Variants in DDRGK1 observed in about 807,000 individuals in gnomAD.
The protein encoded by DDRGK1 is DDRGK domain containing 1, also known as DDRGK domain-containing protein 1.
In DDRGK1, 38 loss-of-function variants were observed where a neutral mutation model predicts 45.8. The observed-to-expected ratio is 0.83, with a 90% CI of 0.64 to 1.09. The LOEUF (loss-of-function observed/expected upper bound fraction) is 1.09. DDRGK1 is among the 50% of genes least tolerant of loss of function. The pLI is 0.00. For missense variants in DDRGK1, 403 were observed against 419.9 expected, an observed-to-expected ratio of 0.96 and a Z score of 0.35; for synonymous variants, 171 against 168.7, an observed-to-expected ratio of 1.01 and a Z score of -0.11.
intron 8 of DDRGK1, 140 bp from the exon 9 acceptor site, chr20:3,190,959 T>A (rs561507616): frequency 7.4e-7 from 1 of 1,354,544 alleles, no homozygotes; most frequent in African/African-American, 1.4e-5. Flanking sequence ...CTGCATCCAG[T>A]CCTGCTAGGA....
chr20:3,202,106 A>G (rs1220977664), intron 2 of DDRGK1, among the ~76,000 whole-genome samples: 1 of 150,990 alleles, frequency 6.6e-6, no homozygotes. Context: ...CAGCCTCCCA[A>G]GTAGCTGGAA....
chr20:3,197,092 G>A (rs1326220287), intron 4 of DDRGK1, among the ~76,000 whole-genome samples: 3 of 151,562 alleles, frequency 2.0e-5, no homozygotes. Flanking sequence ...GTGTGGTGGC[G>A]GGTGCCTGTA....
chr20:3,204,545 G>A lies in DDRGK1; in HGVS notation c.83C>T (p.Ala28Val). 6.4e-7 allele frequency: 1 copy of A among 1,562,918 alleles called. No individual in the cohort carries two copies. Among genetic ancestry groups the A allele is most frequent in the Non-Finnish European group, 8.6e-7 (1 of 1,160,974 alleles). ...GCAGCGGCATCTCCTACCTGATGCC[G>A]CCCGGCCCCGGCTGCGAGTCAGGAA... ...ILFLTRSRGR[A>V]ASAGQEPLHN... The change falls in exon 1 of 9, where the codon GCG becomes GTG. Residue 28 changes from alanine (A) to valine (V), a missense_variant. By Grantham distance (64) the Ala-to-Val change is moderately conservative (BLOSUM62 0). Coordinates refer to ENST00000354488, the MANE Select transcript of DDRGK1 (RefSeq NM_023935.3).
chr20:3,195,261 T>C lies in DDRGK1; in HGVS notation c.603A>G (p.Glu201=). The C allele has an allele frequency of 6.2e-7, 1 of 1,613,996 alleles. No homozygotes were observed. ...CCTCAGTCATGGTCTCTCCTACGCC[T>C]TCCTCCTCCACCACAAAGGCCTCCT... ...KLKEAFVVEE[E]GVGETMTEEQ... Residue 201 remains glutamate, a synonymous_variant, in exon 5 of 9, where the codon GAA becomes GAG. Coordinates refer to ENST00000354488, the MANE Select transcript of DDRGK1 (RefSeq NM_023935.3).
At position 3,191,760 on chromosome 20, in the gene DDRGK1, C is replaced by T; in HGVS notation, c.729+5G>A. ...GCACACAGCAGGCCACGTTCCAGGG[C>T]TTACCTGAGTGCGTAGGCCCACCTG... On this transcript the variant is annotated splice_donor_5th_base_variant and intron_variant, in intron 7 of 8. Coordinates refer to ENST00000354488, the MANE Select transcript of DDRGK1 (RefSeq NM_023935.3). 6.2e-7 allele frequency: 1 copy of T among 1,601,928 alleles called. No homozygotes were observed. Among genetic ancestry groups the T allele is most frequent in the South Asian group, 1.1e-5 (1 of 88,564 alleles).
At chr20:3,204,327 T>C (rs1356346369) in intron 1 of DDRGK1, among the ~76,000 whole-genome samples, 1 of 152,054 alleles carries the variant, frequency 6.6e-6, no homozygotes, top group Non-Finnish European at 1.5e-5. Flanking sequence ...AGACTCTGGC[T>C]TGGAGTCGAG....
rs1055883158 is a variant in DDRGK1, at chr20:3,200,334, C to T, written c.408+8G>A. 20 of 1,557,462 alleles carry T rather than the reference C, an allele frequency of 1.3e-5. No individual in the cohort carries two copies. Among genetic ancestry groups the T allele is most frequent in the African/African-American group, 5.5e-5 (4 of 73,366 alleles). ...TTCCCAGAGCTGCACCCCATCCCTCCGGCTTGCCTCACGCTGGGCCTTTCG... is the reference window on the plus strand; with the variant it reads ...TTCCCAGAGCTGCACCCCATCCCTCTGGCTTGCCTCACGCTGGGCCTTTCG... On this transcript the variant is annotated splice_region_variant and intron_variant, in intron 3 of 8. Coordinates refer to ENST00000354488, the MANE Select transcript of DDRGK1 (RefSeq NM_023935.3).
intron 5 of DDRGK1, 32 bp downstream of exon 5, chr20:3,195,199 A>G (rs914805914): frequency 1.2e-6 from 2 of 1,613,856 alleles, no homozygotes; most frequent in South Asian, 1.1e-5. Context: ...TGATGGGTGC[A>G]GAGAGGGGCT....
At chr20:3,198,700 C>CCA in intron 4 of DDRGK1, among the ~76,000 whole-genome samples, 1 of 41,578 alleles carries the variant, frequency 2.4e-5, no homozygotes, top group Non-Finnish European at 4.5e-5. Flanking sequence ...AACTCCGTTT[C>CCA]AAAAAAAAAA....
chr20:3,203,117 G>C (rs892540036), intron 2 of DDRGK1, 96 bp downstream of exon 2: 2 of 1,217,746 alleles, frequency 1.6e-6, no homozygotes, highest in East Asian at 2.7e-5. Context: ...CTCCTACCCT[G>C]AGGCTTCATA....
chr20:3,201,099 G>A (rs1376166889), intron 2 of DDRGK1, among the ~76,000 whole-genome samples: 1 of 151,254 alleles, frequency 6.6e-6, no homozygotes, highest in Non-Finnish European at 1.5e-5. Context: ...GACAGAGTGA[G>A]ACACTGTCTC....
intron 4 of DDRGK1, among the ~76,000 whole-genome samples, chr20:3,197,155 G>C (rs376363427): frequency 6.6e-6 from 1 of 150,490 alleles, no homozygotes; most frequent in East Asian, 2.0e-4. Context: ...CCTGGGAAGC[G>C]GAGGTTGCAG....
chr20:3,200,915 C>G (rs2067035172), intron 2 of DDRGK1, among the ~76,000 whole-genome samples: 1 of 152,188 alleles, frequency 6.6e-6, no homozygotes, highest in African/African-American at 2.4e-5. Flanking sequence ...TCGAGATCAT[C>G]CTGGCTAACA....
chr20:3,190,888 C>G lies in DDRGK1; in HGVS notation c.779-69G>C. 13 of 1,526,340 alleles carry G rather than the reference C, an allele frequency of 8.5e-6. No individual in the cohort carries two copies. The South Asian group carries it at 1.5e-4, about 18-fold the overall frequency. The allele number at this position is 1,526,340 out of a possible 1,614,324, so 94.5% of individuals were successfully genotyped here. ...TCCCCATCTGGCCTGAGAATGCCCA[C>G]CTACTCCTTCACAGCTGGCTCAGGG... On this transcript the variant is annotated intron_variant, in intron 8 of 8. Coordinates refer to ENST00000354488, the MANE Select transcript of DDRGK1 (RefSeq NM_023935.3).
intron 6 of DDRGK1, among the ~76,000 whole-genome samples, chr20:3,193,103 A>C (rs745608866): frequency 6.6e-6 from 1 of 152,194 alleles, no homozygotes; most frequent in Non-Finnish European, 1.5e-5. Flanking sequence ...ACCCACCTGC[A>C]ATCTCAGCTA....
At chr20:3,201,856 G>T (rs1477701274) in intron 2 of DDRGK1, among the ~76,000 whole-genome samples, 2 of 151,706 alleles carry the variant, frequency 1.3e-5, no homozygotes, top group Non-Finnish European at 2.9e-5. Flanking sequence ...TAGAGACCGG[G>T]TTTCACCATG....
intron 7 of DDRGK1, chr20:3,191,459 G>T: frequency 1.5e-6 from 1 of 659,712 alleles, no homozygotes; most frequent in Non-Finnish European, 2.7e-6. Flanking sequence ...TAGAAGCGGG[G>T]CAGTGATGTT....
Position 3,204,432 on chromosome 20 carries a change from C to T in DDRGK1, c.91+105G>A, listed in dbSNP as rs534953451. On this transcript the variant is annotated intron_variant, in intron 1 of 8. Coordinates refer to ENST00000354488, the MANE Select transcript of DDRGK1 (RefSeq NM_023935.3). Reference sequence around the variant, plus strand: ...AGCGCACGGACGCGCATGCGTCCCGCCCGCCCAGGTGCGCACGCGCAGGAG... The same window carrying T: ...AGCGCACGGACGCGCATGCGTCCCGTCCGCCCAGGTGCGCACGCGCAGGAG... 109 of 1,216,732 alleles carry T rather than the reference C, an allele frequency of 9.0e-5. No homozygotes were observed. The South Asian group carries it at 1.4e-3, about 16-fold the overall frequency. The allele number at this position is 1,216,732 out of a possible 1,614,324, so 75.4% of individuals were successfully genotyped here.
chr20:3,199,987 G>C lies in DDRGK1; in HGVS notation c.510+14C>G. 6.2e-7 allele frequency: 1 copy of C among 1,601,198 alleles called. No homozygotes were observed. Among genetic ancestry groups the C allele is most frequent in the East Asian group, 2.2e-5 (1 of 44,774 alleles). On this transcript the variant is annotated intron_variant, in intron 4 of 8. Transcript: ENST00000354488. Reference sequence around the variant, plus strand: ...TGGTCAAGGGTCAGAGGTCAGGGTAGGGGCTGGCCTCACCTTCTGCTCCTC... The same window carrying C: ...TGGTCAAGGGTCAGAGGTCAGGGTACGGGCTGGCCTCACCTTCTGCTCCTC...
Sources: allele counts gnomAD v4.1 joint callset (sites outside exome capture counted in the v4.1 genomes callset), GRCh38; gene constraint gnomAD v4.1.1; transcripts MANE v1.5; gene names NCBI Gene and HGNC (gene_info 2026-07-23, HGNC 2026-07-21).